FNDC3B: variants seen among roughly 807,000 people sequenced by gnomAD.
FNDC3B encodes the protein fibronectin type III domain-containing protein 3B.
A neutral mutation model predicts 151.5 loss-of-function variants in FNDC3B; 12 were observed. The ratio of observed to expected loss-of-function variants is 0.08; its 90% CI spans 0.05 to 0.13. The LOEUF is 0.13. Among genes scored for constraint, FNDC3B ranks in the 10% least tolerant of loss-of-function variants. FNDC3B has a pLI of 1.00. For missense variants in FNDC3B, 1,214 were observed against 1,505.3 expected (o/e 0.81, Z 3.20); for synonymous variants, 528 against 549.0 (o/e 0.96, Z 0.54).
intron 3 of FNDC3B, among the ~76,000 whole-genome samples, chr3:172,183,543 A>G (rs1044886522): frequency 6.6e-6 from 1 of 152,164 alleles, no homozygotes; most frequent in Non-Finnish European, 1.5e-5. Flanking sequence ...GGTTTGCTTT[A>G]TAAGAAAATT....
chr3:172,359,003 TGGTGGTGGTGGTGGTGATGGTGGC>T (rs1470518635), intron 22 of FNDC3B, among the ~76,000 whole-genome samples: 15 of 127,672 alleles, frequency 1.2e-4, no homozygotes, highest in African/African-American at 3.8e-4. Flanking sequence ...GTGGTGGTGG[TGGTGGTGGTGGTGGTGATGGTGGC>T]GGTGGTGTGT....
At chr3:172,184,366 C>G (rs972282438) in intron 3 of FNDC3B, 1 of 151,930 alleles carries the variant, frequency 6.6e-6, no homozygotes, top group Non-Finnish European at 1.5e-5. Flanking sequence ...GAGGTGATGG[C>G]GATCAAGAAA....
intron 4 of FNDC3B, among the ~76,000 whole-genome samples, chr3:172,245,360 G>A (rs1560037122): frequency 6.6e-6 from 1 of 152,258 alleles, no homozygotes; most frequent in East Asian, 1.9e-4. Flanking sequence ...CTGAATGAAA[G>A]AATAAAGATT....
intron 16 of FNDC3B, among the ~76,000 whole-genome samples, chr3:172,339,779 G>A (rs1168252559): frequency 1.3e-5 from 2 of 152,296 alleles, no homozygotes; most frequent in Middle Eastern, 3.4e-3. Context: ...TGACTGCATG[G>A]CTGAGTGAGT....
intron 3 of FNDC3B, among the ~76,000 whole-genome samples, chr3:172,214,115 G>C (rs1163893078): frequency 2.0e-5 from 3 of 152,126 alleles, no homozygotes; most frequent in Non-Finnish European, 4.4e-5. Context: ...AATTGCTTGG[G>C]GGTGTTTACT....
chr3:172,173,675 G>A (rs1213767742), intron 3 of FNDC3B, among the ~76,000 whole-genome samples: 2 of 151,544 alleles, frequency 1.3e-5, no homozygotes, highest in Non-Finnish European at 2.9e-5. Flanking sequence ...AAAAAAATTA[G>A]CCAGGCATAG....
rs192145164 is a variant in FNDC3B, at chr3:172,301,217, T to C, written c.1061+2430T>C. Among the ~76,000 whole-genome samples, 1,484 of 152,314 alleles carry C rather than the reference T, an allele frequency of 9.7e-3. 15 individuals carry two copies. Among genetic ancestry groups the C allele is most frequent in the Non-Finnish European group, 0.011 (759 of 68,020 alleles). On this transcript the variant is annotated intron_variant, in intron 9 of 25. Transcript: ENST00000415807. ...TTAGACCTGTAAAGTCATGTATAAG[T>C]GCTACCTTTTGGTTTTCCCAAGCTC...
intron 6 of FNDC3B, among the ~76,000 whole-genome samples, chr3:172,284,280 A>G (rs1219670308): frequency 6.6e-6 from 1 of 152,150 alleles, no homozygotes; most frequent in East Asian, 1.9e-4. Flanking sequence ...GCGTTATGAA[A>G]ACAAACAAAA....
At chr3:172,169,910 T>C (rs1258765885) in intron 3 of FNDC3B, among the ~76,000 whole-genome samples, 3 of 152,200 alleles carry the variant, frequency 2.0e-5, no homozygotes, top group African/African-American at 7.2e-5. Context: ...TAAAATAGGA[T>C]TTTTTAAACT....
intron 9 of FNDC3B, among the ~76,000 whole-genome samples, chr3:172,300,299 T>C (rs1730841280): frequency 6.6e-6 from 1 of 152,248 alleles, no homozygotes; most frequent in Admixed American, 6.5e-5. Flanking sequence ...TGTTAACATA[T>C]GTTTCTTTCT....
intron 2 of FNDC3B, among the ~76,000 whole-genome samples, chr3:172,125,104 C>T (rs1217847594): frequency 2.0e-5 from 3 of 152,142 alleles, no homozygotes; most frequent in African/African-American, 4.8e-5. Flanking sequence ...AGCTGGGGAG[C>T]GAGATGGCAC....
At chr3:172,178,690 TTA>T (rs1723731988) in intron 3 of FNDC3B, among the ~76,000 whole-genome samples, 1 of 152,154 alleles carries the variant, frequency 6.6e-6, no homozygotes, top group Non-Finnish European at 1.5e-5. Context: ...TGAGATTTTA[TTA>T]TGTCTTGAGA....
At position 172,397,233 on chromosome 3, in the gene FNDC3B, G is replaced by A. The variant is rs766722763; in HGVS notation, c.3373G>A (p.Val1125Ile). ...LQTNTDYRFR[V>I]CACRRCLDTS... ...GACCAACACAGACTACAGGTTCCGC[G>A]TATGTGCGTGTCGTCGCTGTTTAGA... The change falls in exon 26 of 26, where the codon GTA becomes ATA. Residue 1125 changes from valine (V) to isoleucine (I), a missense_variant. Val to Ile is a conservative substitution (Grantham distance 29). This residue lies in a region of FNDC3B where 284 missense variants were observed against 392.4 expected (regional missense o/e 0.72). Coordinates refer to ENST00000415807, the MANE Select transcript of FNDC3B (RefSeq NM_022763.4). The A allele has an allele frequency of 6.2e-7, 1 of 1,614,170 alleles. No individual in the cohort carries two copies. The highest frequency in any genetic ancestry group is 8.5e-7 in the Non-Finnish European group (1 of 1,180,010).
chr3:172,394,105 C>CAAAAA (rs1736152891), intron 25 of FNDC3B, among the ~76,000 whole-genome samples: 2 of 6,228 alleles, frequency 3.2e-4, no homozygotes, highest in Non-Finnish European at 4.5e-4. Flanking sequence ...GAGACTCCTT[C>CAAAAA]TAAAAAAAAA....
At chr3:172,147,317 A>AC (rs1721967046) in intron 3 of FNDC3B, among the ~76,000 whole-genome samples, 1 of 151,638 alleles carries the variant, frequency 6.6e-6, no homozygotes, top group South Asian at 2.1e-4. Flanking sequence ...AAACAAAAAA[A>AC]AAAAAAAAGT....
Position 172,307,467 on chromosome 3 carries a change from A to T in FNDC3B, c.1166A>T (p.His389Leu). 3 of 1,614,088 alleles carry T rather than the reference A, an allele frequency of 1.9e-6. No individual in the cohort carries two copies. Among genetic ancestry groups the T allele is most frequent in the Non-Finnish European group, 2.5e-6 (3 of 1,179,986 alleles). ...PECPFPPKLA[H>L]RSKSSLTLQW... is the part of the protein sequence containing the mutation. ...TGTCCTTTCCCCCCTAAGCTGGCAC[A>T]TAGGAGCAAAAGTTCACTAACCCTG... The change falls in exon 10 of 26, where the codon CAT becomes CTT. Residue 389 changes from histidine (H) to leucine (L), a missense_variant. Physicochemically the swap from His to Leu is moderately conservative, Grantham distance 99 (BLOSUM62 -3). Transcript: ENST00000415807.
chr3:172,197,135 G>A (rs1724878890), intron 3 of FNDC3B, among the ~76,000 whole-genome samples: 1 of 151,864 alleles, frequency 6.6e-6, no homozygotes, highest in Non-Finnish European at 1.5e-5. Flanking sequence ...GAGCCGAGAT[G>A]GCACCACTGG....
At chr3:172,110,072 G>C (rs1222415812) in intron 1 of FNDC3B, among the ~76,000 whole-genome samples, 1 of 152,116 alleles carries the variant, frequency 6.6e-6, no homozygotes, top group Non-Finnish European at 1.5e-5. Context: ...CTATTTAGCG[G>C]GGTTGGATTG....
At chr3:172,326,170 T>C (rs1371137932) in intron 11 of FNDC3B, among the ~76,000 whole-genome samples, 1 of 152,218 alleles carries the variant, frequency 6.6e-6, no homozygotes, top group Non-Finnish European at 1.5e-5. Context: ...CATGAATATG[T>C]TCTTTTATTC....
Sources: gnomAD v4.1 joint callset for allele counts (sites outside exome capture counted in the v4.1 genomes callset) on GRCh38, gnomAD v4.1.1 for gene constraint, gnomAD v4.1.1 regional missense constraint, MANE v1.5 for transcripts, NCBI Gene and HGNC (gene_info 2026-07-23, HGNC 2026-07-21) for gene names.